The following PCDH11Y variants were observed in gnomAD, a reference collection of about 807,000 sequenced individuals.
The protein encoded by PCDH11Y is protocadherin-11 Y-linked.
For synonymous variants in PCDH11Y, 9 were observed against 83.6 expected (o/e 0.11, Z 4.87); for missense variants, 12 against 224.8 (o/e 0.05, Z 6.05).
intron 3 of PCDH11Y, among the ~76,000 whole-genome samples, chrY:5,521,989 T>G: frequency 3.1e-5 from 1 of 32,585 alleles, no homozygotes; most frequent in Non-Finnish European, 7.5e-5. Context: ...TTCTCCTGCC[T>G]CAGCCTCCTC....
intron 2 of PCDH11Y, among the ~76,000 whole-genome samples, chrY:5,476,940 G>GT (rs2053320116): frequency 3.2e-5 from 1 of 31,740 alleles, no homozygotes; most frequent in Non-Finnish European, 7.6e-5. Flanking sequence ...TTGTTGTATT[G>GT]TTTTTTTAAA....
intron 2 of PCDH11Y, among the ~76,000 whole-genome samples, chrY:5,454,399 A>G (rs2053295831): frequency 3.0e-5 from 1 of 33,071 alleles, no homozygotes; most frequent in Non-Finnish European, 7.5e-5. Context: ...TTCCAGGTGC[A>G]CAGTATGAGC....
chrY:5,132,446 C>A, intron 2 of PCDH11Y, among the ~76,000 whole-genome samples: 1 of 30,912 alleles, frequency 3.2e-5, no homozygotes, highest in East Asian at 8.4e-4. Context: ...ACTATTTGAA[C>A]CTGGTAATTC....
chrY:5,514,108 G>A, intron 3 of PCDH11Y, among the ~76,000 whole-genome samples: 1 of 29,899 alleles, frequency 3.3e-5, no homozygotes, highest in Non-Finnish European at 8.0e-5. Context: ...AGTGTAATGG[G>A]CATAAAATGA....
intron 2 of PCDH11Y, among the ~76,000 whole-genome samples, chrY:5,206,606 T>C (rs2052932649): frequency 3.1e-5 from 1 of 32,231 alleles, no homozygotes; most frequent in Non-Finnish European, 7.5e-5. Flanking sequence ...TTTCATACTC[T>C]AGTGCAAGGG....
chrY:5,266,932 T>G, intron 2 of PCDH11Y, among the ~76,000 whole-genome samples: 1 of 33,219 alleles, frequency 3.0e-5, no homozygotes, highest in Non-Finnish European at 7.4e-5. Flanking sequence ...CTGTGTTAAA[T>G]GAATGTGTCT....
At chrY:5,244,950 G>C in intron 2 of PCDH11Y, among the ~76,000 whole-genome samples, 1 of 33,535 alleles carries the variant, frequency 3.0e-5, no homozygotes, top group Admixed American at 2.7e-4. Flanking sequence ...GGTCCCAAGA[G>C]GTATCCCCCA....
intron 2 of PCDH11Y, among the ~76,000 whole-genome samples, chrY:5,161,546 C>G (rs1602878196): frequency 2.8e-3 from 90 of 32,509 alleles, no homozygotes; most frequent in African/African-American, 9.4e-3. Context: ...TACTTTCATA[C>G]CATCTTTCCA....
intron 1 of PCDH11Y, among the ~76,000 whole-genome samples, chrY:5,092,418 A>G: frequency 9.0e-5 from 3 of 33,186 alleles, no homozygotes; most frequent in African/African-American, 3.5e-4. Flanking sequence ...TTCCCTTGAC[A>G]AGGCTACAAA....
chrY:5,241,069 A>G (rs2052987700), intron 2 of PCDH11Y, among the ~76,000 whole-genome samples: 1 of 32,115 alleles, frequency 3.1e-5, no homozygotes, highest in African/African-American at 1.2e-4. Context: ...CTTTATAAGC[A>G]CTTGCTGCAC....
chrY:5,032,961 C>G, intron 3 of PCDH11Y, among the ~76,000 whole-genome samples: 1 of 31,730 alleles, frequency 3.2e-5, no homozygotes. Flanking sequence ...AACAAAAATC[C>G]CACAAATTAT....
chrY:5,410,166 G>A (rs1602921483), intron 2 of PCDH11Y, among the ~76,000 whole-genome samples: 2 of 31,743 alleles, frequency 6.3e-5, no homozygotes, highest in East Asian at 1.7e-3. Flanking sequence ...TCTGGAGTTC[G>A]AGACCAGTCT....
chrY:5,029,935 A>C, intron 1 of PCDH11Y, among the ~76,000 whole-genome samples: 2 of 30,016 alleles, frequency 6.7e-5, no homozygotes, highest in Non-Finnish European at 1.6e-4. Context: ...AAAAAAAAAA[A>C]AAAAAAAGAG....
chrY:5,269,482 G>A (rs1380422394), intron 2 of PCDH11Y, among the ~76,000 whole-genome samples: 3 of 31,749 alleles, frequency 9.4e-5, no homozygotes, highest in Non-Finnish European at 2.4e-4. Flanking sequence ...AAGATATATT[G>A]GCACATCTGT....
At chrY:5,323,493 G>A (rs1602904314) in intron 2 of PCDH11Y, among the ~76,000 whole-genome samples, 4 of 33,018 alleles carry the variant, frequency 1.2e-4, no homozygotes, top group Non-Finnish European at 2.2e-4. Context: ...CACTGCACCC[G>A]GCCCCTGAAT....
intron 4 of PCDH11Y, among the ~76,000 whole-genome samples, chrY:5,585,057 CATGT>C (rs2053453968): frequency 9.3e-5 from 3 of 32,251 alleles, no homozygotes; most frequent in Non-Finnish European, 1.5e-4. Context: ...CATATGCATG[CATGT>C]GTCTTTATAA....
At chrY:5,286,353 G>T (rs2053060425) in intron 2 of PCDH11Y, among the ~76,000 whole-genome samples, 1 of 32,493 alleles carries the variant, frequency 3.1e-5, no homozygotes, top group Non-Finnish European at 7.6e-5. Context: ...TGGCTATTTG[G>T]GTTGATTTTT....
chrY:5,014,957 T>C, intron 1 of PCDH11Y, among the ~76,000 whole-genome samples: 1 of 33,687 alleles, frequency 3.0e-5, no homozygotes. Context: ...AAAATATATT[T>C]TGCTGTTAGA....
intron 2 of PCDH11Y, among the ~76,000 whole-genome samples, chrY:5,128,257 A>C (rs34111172): frequency 2.2e-3 from 76 of 33,819 alleles, no homozygotes; most frequent in African/African-American, 8.2e-3. Flanking sequence ...CAACTTACTA[A>C]AGATATGTAG....
Sources: allele counts gnomAD v4.1 joint callset (sites outside exome capture counted in the v4.1 genomes callset), GRCh38; gene constraint gnomAD v4.1.1; transcripts MANE v1.5; gene names NCBI Gene and HGNC (gene_info 2026-07-23, HGNC 2026-07-21).